Variants in PPP2R1B observed in about 807,000 individuals in gnomAD.
The protein encoded by PPP2R1B is serine/threonine-protein phosphatase 2A 65 kDa regulatory subunit A beta isoform.
PPP2R1B carries 58 observed loss-of-function variants against 72.7 expected under a neutral mutation model. That is an observed-to-expected ratio of 0.80 (90% CI 0.65 to 0.99). The LOEUF (loss-of-function observed/expected upper bound fraction) is 0.99, where lower values mean the gene tolerates loss of function less well. PPP2R1B is among the 50% of genes least tolerant of loss of function. PPP2R1B has a pLI of 0.00. For synonymous variants in PPP2R1B, 256 were observed against 264.6 expected (o/e 0.97, Z 0.32); for missense variants, 695 against 733.6 (o/e 0.95, Z 0.61).
chr11:111,718,185 ATCT>A, the PPP2R1B span, among the ~76,000 whole-genome samples: 31 of 152,354 alleles, frequency 2.0e-4, no homozygotes, highest in South Asian at 6.2e-4. Context: ...TTAATTAATG[ATCT>A]TCTTTTCTCT....
chr11:111,717,228 A>C, the PPP2R1B span, among the ~76,000 whole-genome samples: 1 of 137,180 alleles, frequency 7.3e-6, no homozygotes, highest in South Asian at 2.6e-4. Context: ...AGGCAGGAGA[A>C]TGGCGTGAAC....
intron 9 of PPP2R1B, 35 bp downstream of exon 9, chr11:111,753,408 C>T (rs782326818): frequency 1.3e-6 from 2 of 1,586,688 alleles, no homozygotes; most frequent in Non-Finnish European, 8.5e-7. Context: ...AATCAAATTA[C>T]TATCAAAGGC....
intron 11 of PPP2R1B, among the ~76,000 whole-genome samples, chr11:111,745,209 A>G (rs998529652): frequency 2.0e-5 from 3 of 151,680 alleles, no homozygotes; most frequent in Non-Finnish European, 4.4e-5. Flanking sequence ...CCGCCAACAC[A>G]TCCAGCTAAT....
rs782178254 is a variant in PPP2R1B at position 111,752,275 on chromosome 11, C to T, written c.1222G>A (p.Gly408Arg). The change falls in exon 10 of 15, where the codon GGA (glycine) becomes AGA (arginine). Residue 408 changes from glycine to arginine, a missense_variant. Coordinates refer to ENST00000527614, the MANE Select transcript of PPP2R1B (RefSeq NM_002716.5). ...AGAGACTGAGAGAGCTGACGGATTCCAATCACTTCATTTACACAATCCAAA... is the reference window on the plus strand; with the variant it reads ...AGAGACTGAGAGAGCTGACGGATTCTAATCACTTCATTTACACAATCCAAA... The part of the protein sequence containing the change: ...SNLDCVNEVI[G>R]IRQLSQSLLP... The T allele has an allele frequency of 3.1e-6, 5 of 1,614,074 alleles. No individual in the cohort carries two copies. The South Asian group carries it at 5.5e-5, about 18-fold the overall frequency.
the PPP2R1B span, among the ~76,000 whole-genome samples, chr11:111,689,536 G>A: frequency 1.3e-5 from 2 of 152,254 alleles, no homozygotes; most frequent in Admixed American, 6.5e-5. Flanking sequence ...GAGAAAGAGT[G>A]TGGGTTAAAA....
rs781889305 is a variant in PPP2R1B at position 111,764,820 on chromosome 11, A to C, written c.291T>G (p.Phe97Leu). The C allele has an allele frequency of 1.8e-5, 29 of 1,614,128 alleles. 2 individuals are homozygous for C. In the South Asian group the frequency reaches 3.2e-4, roughly 18 times the overall value. ...AAATACTCACCAGCAGACAGTGGGC[A>C]AAGTCAGGACCTCCCACTAGGCCAG... Reference protein sequence around the residue: ...NFTGLVGGPDFAHCLLPPLEN... With the variant: ...NFTGLVGGPDLAHCLLPPLEN... Residue 97 changes from phenylalanine (F) to leucine (L), a missense_variant, in exon 3 of 15, where the codon TTT becomes TTG. By Grantham distance (22) the Phe-to-Leu change is conservative. Transcript: ENST00000527614.
the PPP2R1B span, among the ~76,000 whole-genome samples, chr11:111,710,719 G>A: frequency 6.6e-6 from 1 of 152,186 alleles, no homozygotes; most frequent in East Asian, 1.9e-4. Context: ...TTGGCATTGT[G>A]CTCTCACAGT....
At chr11:111,709,149 G>C in the PPP2R1B span, among the ~76,000 whole-genome samples, 1 of 152,222 alleles carries the variant, frequency 6.6e-6, no homozygotes. Context: ...CATGAGGGTT[G>C]CTACCTGGTG....
chr11:111,710,967 T>C, the PPP2R1B span, among the ~76,000 whole-genome samples: 17 of 152,330 alleles, frequency 1.1e-4, 1 homozygote, highest in South Asian at 3.5e-3. Flanking sequence ...ATGATTGTTT[T>C]CTCAGATGTG....
chr11:111,715,266 T>C, the PPP2R1B span, among the ~76,000 whole-genome samples: 1 of 152,226 alleles, frequency 6.6e-6, no homozygotes, highest in African/African-American at 2.4e-5. Flanking sequence ...CTTGTCCCTC[T>C]TCCCTCCCTA....
At chr11:111,702,353 G>A in the PPP2R1B span, among the ~76,000 whole-genome samples, 5 of 152,334 alleles carry the variant, frequency 3.3e-5, no homozygotes, top group South Asian at 4.1e-4. Context: ...GGGAGGCTGA[G>A]GCGGGAGGAT....
the PPP2R1B span, among the ~76,000 whole-genome samples, chr11:111,689,649 C>T: frequency 6.6e-6 from 1 of 152,072 alleles, no homozygotes; most frequent in Admixed American, 6.6e-5. Flanking sequence ...ATTAATTGAC[C>T]TGTTAGGTTG....
chr11:111,691,172 T>C, the PPP2R1B span, among the ~76,000 whole-genome samples: 2 of 152,222 alleles, frequency 1.3e-5, no homozygotes, highest in African/African-American at 4.8e-5. Flanking sequence ...TCTGATGTCA[T>C]TGTGTGATAT....
At chr11:111,751,901 C>T (rs906159781) in intron 10 of PPP2R1B, among the ~76,000 whole-genome samples, 1 of 152,154 alleles carries the variant, frequency 6.6e-6, no homozygotes, top group Non-Finnish European at 1.5e-5. Flanking sequence ...CGCTTAAACC[C>T]AGGAGGTGGA....
downstream of PPP2R1B, chr11:111,723,935 A>G (rs766208853): frequency 1.2e-6 from 2 of 1,611,610 alleles, no homozygotes; most frequent in Admixed American, 3.3e-5. Context: ...AGACTATCCC[A>G]CTCCCTGTCA....
At chr11:111,723,956 G>C (rs757810812), downstream of PPP2R1B, 6 of 1,614,124 alleles carry the variant, frequency 3.7e-6, no homozygotes, top group Non-Finnish European at 5.1e-6. Context: ...GTATCCTGTG[G>C]ATGGAGCCCA....
At chr11:111,715,793 CTTTTTTTTTTT>C in the PPP2R1B span, among the ~76,000 whole-genome samples, 1 of 81,580 alleles carries the variant, frequency 1.2e-5, no homozygotes, top group Non-Finnish European at 2.2e-5. Flanking sequence ...TCATTTTTAG[CTTTTTTTTTTT>C]TTTTTTTTTT....
chr11:111,691,782 C>T, the PPP2R1B span, among the ~76,000 whole-genome samples: 1 of 152,312 alleles, frequency 6.6e-6, no homozygotes, highest in Admixed American at 6.5e-5. Context: ...TATTAAGCTT[C>T]TACTCTGCTC....
chr11:111,721,792 G>A, the PPP2R1B span: 2 of 1,529,756 alleles, frequency 1.3e-6, no homozygotes, highest in African/African-American at 1.4e-5. Flanking sequence ...TTTTCCCCAT[G>A]GGGAATTGAA....
Sources: allele counts gnomAD v4.1 joint callset (sites outside exome capture counted in the v4.1 genomes callset), GRCh38; gene constraint gnomAD v4.1.1; transcripts MANE v1.5; gene names NCBI Gene and HGNC (gene_info 2026-07-23, HGNC 2026-07-21).